The following VCL variants were observed in gnomAD, a reference collection of about 807,000 sequenced individuals.
VCL encodes epididymis luminal protein 114.
In VCL, 47 loss-of-function variants were observed where a neutral mutation model predicts 125.7. The observed-to-expected ratio is 0.37, with a 90% CI of 0.30 to 0.48. The LOEUF is 0.48. Ranked by LOEUF, VCL falls within the 20% of genes least tolerant of loss-of-function variation. VCL has a pLI of 0.99. For synonymous variants in VCL, 458 were observed against 514.6 expected (o/e 0.89, Z 1.49); for missense variants, 1,069 against 1,455.5 (o/e 0.73, Z 4.32).
At chr10:74,064,488 C>T (rs369073978) in intron 2 of VCL, among the ~76,000 whole-genome samples, 1 of 152,264 alleles carries the variant, frequency 6.6e-6, no homozygotes, top group East Asian at 1.9e-4. Flanking sequence ...TCACTACAGC[C>T]TTGATATCCT....
intron 1 of VCL, among the ~76,000 whole-genome samples, chr10:74,020,661 C>A (rs566904026): frequency 6.6e-6 from 1 of 151,610 alleles, no homozygotes; most frequent in Non-Finnish European, 1.5e-5. Flanking sequence ...GGCAACATGG[C>A]GAAACCCTGT....
intron 14 of VCL, among the ~76,000 whole-genome samples, chr10:74,103,261 A>G (rs1840086648): frequency 6.6e-6 from 1 of 152,226 alleles, no homozygotes; most frequent in African/African-American, 2.4e-5. Context: ...ATATGCATGT[A>G]CAGCCTGTAT....
intron 1 of VCL, among the ~76,000 whole-genome samples, chr10:74,033,158 A>G (rs1293955026): frequency 1.3e-5 from 2 of 152,242 alleles, no homozygotes; most frequent in African/African-American, 4.8e-5. Context: ...AATGGACAAA[A>G]TGTGATGTAA....
intron 1 of VCL, among the ~76,000 whole-genome samples, chr10:74,042,766 T>G (rs1048744695): frequency 3.3e-4 from 50 of 152,302 alleles, no homozygotes; most frequent in African/African-American, 1.1e-3. Context: ...TGTGGCCTAG[T>G]TTTTTGGCTT....
At chr10:74,090,398 A>T (rs1839860356) in intron 10 of VCL, among the ~76,000 whole-genome samples, 200 bp downstream of exon 10, 1 of 152,212 alleles carries the variant, frequency 6.6e-6, no homozygotes, top group African/African-American at 2.4e-5. Flanking sequence ...GATGTAACTG[A>T]GGTTTAATGA....
chr10:74,087,026 A>T (rs979113717), intron 8 of VCL, among the ~76,000 whole-genome samples: 1 of 152,104 alleles, frequency 6.6e-6, no homozygotes, highest in Non-Finnish European at 1.5e-5. Context: ...TAAAAAAAAA[A>T]TTTCTAAATT....
At chr10:74,074,241 T>A (rs1021853194) in intron 5 of VCL, among the ~76,000 whole-genome samples, 6 of 152,152 alleles carry the variant, frequency 3.9e-5, no homozygotes. Context: ...CCAGACATTA[T>A]TTTTTTCTTC....
intron 9 of VCL, among the ~76,000 whole-genome samples, chr10:74,089,672 T>G (rs934424720): frequency 2.0e-5 from 3 of 152,180 alleles, no homozygotes; most frequent in African/African-American, 7.2e-5. Context: ...TGGGTCATTG[T>G]AATGTTTAGG....
At chr10:74,028,745 T>G (rs529592229) in intron 1 of VCL, among the ~76,000 whole-genome samples, 2 of 152,108 alleles carry the variant, frequency 1.3e-5, no homozygotes, top group South Asian at 4.1e-4. Context: ...GAGGAGATTA[T>G]TAGTAAAAGG....
intron 1 of VCL, among the ~76,000 whole-genome samples, chr10:74,022,960 C>G (rs1184898747): frequency 2.0e-5 from 3 of 152,148 alleles, no homozygotes; most frequent in Admixed American, 6.5e-5. Flanking sequence ...TCTAGATCTC[C>G]AGGGACTCTC....
At chr10:74,077,838 T>G (rs1215020830) in intron 6 of VCL, 1 of 399,560 alleles carries the variant, frequency 2.5e-6, no homozygotes, top group African/African-American at 2.1e-5. Flanking sequence ...ATTTTACCTT[T>G]TATACCTATA....
chr10:74,110,000 C>T (rs1840195809), intron 18 of VCL, among the ~76,000 whole-genome samples: 1 of 152,096 alleles, frequency 6.6e-6, no homozygotes, highest in African/African-American at 2.4e-5. Flanking sequence ...ATTGTATTTC[C>T]TCAGGGACCT....
chr10:74,105,963 G>A (rs947281907), intron 16 of VCL, among the ~76,000 whole-genome samples: 3 of 138,098 alleles, frequency 2.2e-5, no homozygotes, highest in Non-Finnish European at 4.5e-5. Flanking sequence ...TGTTGCCCAG[G>A]CTGGAGTACA....
intron 10 of VCL, among the ~76,000 whole-genome samples, chr10:74,093,616 G>C (rs1204026763): frequency 6.6e-6 from 1 of 151,580 alleles, no homozygotes; most frequent in African/African-American, 2.4e-5. Flanking sequence ...TCGGGAGAAT[G>C]TTTCCTATCT....
intron 4 of VCL, 129 bp from the exon 5 acceptor site, chr10:74,072,601 G>A: frequency 6.1e-6 from 8 of 1,312,210 alleles, no homozygotes; most frequent in Non-Finnish European, 8.6e-6. Context: ...CAGTGATGGT[G>A]TCTGTTGTTT....
chr10:74,086,049 T>C (rs1839764579), intron 8 of VCL, among the ~76,000 whole-genome samples: 1 of 152,116 alleles, frequency 6.6e-6, no homozygotes, highest in African/African-American at 2.4e-5. Flanking sequence ...TGTATTTTAA[T>C]AGAGACGGGG....
intron 1 of VCL, among the ~76,000 whole-genome samples, chr10:74,003,125 T>G (rs1840261312): frequency 6.6e-6 from 1 of 151,818 alleles, no homozygotes. Flanking sequence ...CAAGCTGGAG[T>G]GCAGTGGCGT....
intron 1 of VCL, among the ~76,000 whole-genome samples, chr10:74,004,509 A>C (rs923561692): frequency 2.0e-5 from 3 of 152,160 alleles, no homozygotes; most frequent in African/African-American, 7.2e-5. Context: ...GTTAAATATC[A>C]GTGGAGGTTT....
At chr10:74,036,962 G>A (rs1346545122) in intron 1 of VCL, among the ~76,000 whole-genome samples, 1 of 151,028 alleles carries the variant, frequency 6.6e-6, no homozygotes, top group Non-Finnish European at 1.5e-5. Context: ...CCAGGCTGGA[G>A]TGCAGTGGCC....
Sources: allele counts gnomAD v4.1 joint callset (sites outside exome capture counted in the v4.1 genomes callset), GRCh38; gene constraint gnomAD v4.1.1; transcripts MANE v1.5; gene names NCBI Gene and HGNC (gene_info 2026-07-23, HGNC 2026-07-21).